Variants in INPP5F observed in about 807,000 individuals in gnomAD.
INPP5F encodes the protein phosphatidylinositide 4-phosphatase SAC2.
A neutral mutation model predicts 137.2 loss-of-function variants in INPP5F; 97 were observed. The observed-to-expected ratio is 0.71, with a 90% CI of 0.60 to 0.84. The LOEUF (loss-of-function observed/expected upper bound fraction) is 0.84, where lower values mean the gene tolerates loss of function less well. Ranked by LOEUF, INPP5F falls within the 40% of genes least tolerant of loss-of-function variation. INPP5F has a pLI of 0.00. For missense variants in INPP5F, 1,271 were observed against 1,371.9 expected, an observed-to-expected ratio of 0.93 and a Z score of 1.16; for synonymous variants, 504 against 476.9, an observed-to-expected ratio of 1.06 and a Z score of -0.74.
In INPP5F at chr10:119,787,018, A is replaced by G. The variant is rs1275678118; in HGVS notation, c.316-4499A>G. ...TTATTCCCTGTATTTTCTACCCTCTAAAGTGGTTCTGGAGCATTACCCCAC... is the reference window on the plus strand; with the variant it reads ...TTATTCCCTGTATTTTCTACCCTCTGAAGTGGTTCTGGAGCATTACCCCAC... On this transcript the variant is annotated intron_variant, in intron 3 of 19. Transcript: ENST00000650623. The surrounding 1 kb of genome is among the most constrained non-coding windows in gnomAD (Gnocchi z 4.1). Among the ~76,000 whole-genome samples, 1 of 152,156 alleles carries G rather than the reference A, an allele frequency of 6.6e-6. No individual in the cohort carries two copies. The highest frequency in any genetic ancestry group is 1.5e-5 in the Non-Finnish European group (1 of 68,032).
intron 19 of INPP5F, chr10:119,826,053 T>C: frequency 2.5e-6 from 1 of 398,440 alleles, no homozygotes; most frequent in East Asian, 3.6e-5. Flanking sequence ...ATGGAAGTCT[T>C]ACTCCTGTCT....
In INPP5F at chr10:119,805,436, A is replaced by G. The variant is rs1850738890; in HGVS notation, c.1294A>G (p.Ile432Val). Residue 432 changes from isoleucine to valine, a missense_variant, in exon 11 of 20, where the codon ATT (isoleucine) becomes GTT (valine). Ile to Val is a conservative substitution (Grantham distance 29). Coordinates refer to ENST00000650623, the MANE Select transcript of INPP5F (RefSeq NM_014937.4). The stretch of plus-strand genomic sequence containing the variant: ...GACACTAACAGATGCCATTTATGAC[A>G]TTATTCTTGATATGAAGTGGTGTTG... ...VQTLTDAIYD[I>V]ILDMKWCWVD... The G allele has an allele frequency of 6.2e-7, 1 of 1,611,890 alleles. No homozygotes were observed. The highest frequency in any genetic ancestry group is 1.1e-5 in the South Asian group (1 of 91,020).
intron 16 of INPP5F, among the ~76,000 whole-genome samples, chr10:119,821,828 T>C (rs1851576411): frequency 6.6e-6 from 1 of 151,818 alleles, no homozygotes; most frequent in East Asian, 1.9e-4. Context: ...TTATATGAGT[T>C]TTTATAAAAC....
intron 6 of INPP5F, among the ~76,000 whole-genome samples, chr10:119,794,605 G>A (rs577336186): frequency 2.7e-5 from 4 of 150,018 alleles, no homozygotes; most frequent in South Asian, 4.2e-4. Flanking sequence ...GCCGGGCAAA[G>A]GCGCCCCTCA....
chr10:119,795,352 CT>C (rs1850330877), intron 6 of INPP5F, among the ~76,000 whole-genome samples: 1 of 151,522 alleles, frequency 6.6e-6, no homozygotes, highest in African/African-American at 2.4e-5. Context: ...GGGCTCCTCA[CT>C]TCTCAGACGG....
chr10:119,749,923 C>T (rs1335390999), intron 1 of INPP5F, among the ~76,000 whole-genome samples: 1 of 152,094 alleles, frequency 6.6e-6, no homozygotes, highest in Non-Finnish European at 1.5e-5. Flanking sequence ...GGACTACAGG[C>T]GCGTGCCACC....
intron 2 of INPP5F, among the ~76,000 whole-genome samples, chr10:119,753,072 C>G (rs1848734100): frequency 6.6e-6 from 1 of 152,032 alleles, no homozygotes; most frequent in Non-Finnish European, 1.5e-5. Context: ...GTTGAGTAAC[C>G]ATGTAACCAA....
Position 119,827,586 on chromosome 10 carries a change from T to A in INPP5F, c.3205T>A (p.Ser1069Thr). ...PSESSSSRAV[S>T]PFAKIRSSMV... ...AGAGAGCAGTAGCAGCAGAGCAGTC[T>A]CTCCCTTTGCCAAGATTCGAAGTTC... Residue 1069 changes from serine (S) to threonine (T), a missense_variant, in exon 20 of 20, where the codon TCT (serine) becomes ACT (threonine). By Grantham distance (58) the Ser-to-Thr change is moderately conservative (BLOSUM62 1). Around this residue, in one of 6 missense-constraint regions of INPP5F, gnomAD observed 490 missense variants for 443.7 expected, o/e 1.10. Coordinates refer to ENST00000650623, the MANE Select transcript of INPP5F (RefSeq NM_014937.4). 6.2e-7 allele frequency: 1 copy of A among 1,614,128 alleles called. No individual in the cohort carries two copies. The highest frequency in any genetic ancestry group is 8.5e-7 in the Non-Finnish European group (1 of 1,179,998).
chr10:119,814,062 G>C (rs974859221), intron 15 of INPP5F, among the ~76,000 whole-genome samples: 32 of 152,028 alleles, frequency 2.1e-4, no homozygotes, highest in African/African-American at 7.7e-4. Flanking sequence ...CCGATAACAG[G>C]GAGCCAGTGA....
chr10:119,799,249 C>T, intron 9 of INPP5F: 2 of 391,484 alleles, frequency 5.1e-6, no homozygotes, highest in East Asian at 8.1e-5. Flanking sequence ...TAGCAGTGAC[C>T]AGTGTGAATG....
chr10:119,780,790 T>C (rs566593375), intron 2 of INPP5F, among the ~76,000 whole-genome samples: 4 of 152,310 alleles, frequency 2.6e-5, no homozygotes, highest in African/African-American at 9.6e-5. Context: ...CTGTTTACCA[T>C]AGCATTTAGA....
In INPP5F at chr10:119,773,681, A is replaced by G. The variant is rs116281801; in HGVS notation, c.179-7954A>G. On this transcript the variant is annotated intron_variant, in intron 2 of 19. Transcript: ENST00000650623. ...CTTTACCTAGTATCAAGTTTTAATT[A>G]CCATGCTTTTTTAAATCCCCCTCTT... 7.9e-3 allele frequency among the ~76,000 whole-genome samples: 1,200 copies of G among 152,166 alleles called. 10 individuals carry two copies. Among genetic ancestry groups the G allele is most frequent in the Middle Eastern group, 0.041 (12 of 294 alleles).
intron 9 of INPP5F, among the ~76,000 whole-genome samples, chr10:119,800,072 A>C (rs1008284589): frequency 1.3e-5 from 2 of 151,556 alleles, no homozygotes; most frequent in South Asian, 4.1e-4. Flanking sequence ...ATATTATTAA[A>C]ATTTTATTAA....
intron 1 of INPP5F, among the ~76,000 whole-genome samples, chr10:119,727,757 A>G (rs1449161230): frequency 6.6e-6 from 1 of 152,240 alleles, no homozygotes; most frequent in Non-Finnish European, 1.5e-5. Context: ...GGATAGAGTT[A>G]TTATGGATAG....
chr10:119,800,636 G>T lies in INPP5F; in HGVS notation c.1116+2026G>T, dbSNP rs932298032. Among the ~76,000 whole-genome samples, 5 of 151,790 alleles carry T rather than the reference G, an allele frequency of 3.3e-5. No homozygotes were observed. In the East Asian group the frequency reaches 9.6e-4, roughly 29 times the overall value. On this transcript the variant is annotated intron_variant, in intron 9 of 19. Transcript: ENST00000650623. ...ACCCAAAAGAGAGCTGGACAAAAGA[G>T]GATATCCAGAAAGTCAGTAGATGTA...
intron 15 of INPP5F, among the ~76,000 whole-genome samples, chr10:119,817,357 C>T (rs1414784010): frequency 6.6e-6 from 1 of 152,128 alleles, no homozygotes; most frequent in Non-Finnish European, 1.5e-5. Context: ...TGGAAATGGC[C>T]AGATTATCTG....
At chr10:119,790,283 G>A (rs574836395) in intron 3 of INPP5F, among the ~76,000 whole-genome samples, 33 of 152,132 alleles carry the variant, frequency 2.2e-4, no homozygotes, top group Non-Finnish European at 4.4e-4. Context: ...GTGTCACCTG[G>A]AATTCTTGCT....
At chr10:119,740,490 A>G (rs766762289) in intron 1 of INPP5F, among the ~76,000 whole-genome samples, 5 of 152,240 alleles carry the variant, frequency 3.3e-5, no homozygotes, top group Non-Finnish European at 7.3e-5. Flanking sequence ...TTATGGTCCT[A>G]CCATGAGGTT....
In INPP5F at chr10:119,771,870, ATATATATATATATTTTTTTTTTTTTTTTT is replaced by A. The variant is rs1203732604; in HGVS notation, c.179-9763_179-9735del. Among the ~76,000 whole-genome samples the A allele has an allele frequency of 1.8e-3, 30 of 16,468 alleles. No homozygotes were observed. In the South Asian group the frequency reaches 0.06, roughly 33 times the overall value. The allele number at this position is 16,468 out of a possible 152,430, so 10.8% of individuals were successfully genotyped here. ...GATATATATATATATATATATATAT[ATATATATATATATTTTTTTTTTTTTTTTT>A]TTTTTTTTTTTTTTGAGATGGAGTC... On this transcript the variant is annotated intron_variant, in intron 2 of 19. Coordinates refer to ENST00000650623, the MANE Select transcript of INPP5F (RefSeq NM_014937.4).
Sources: allele counts gnomAD v4.1 joint callset (sites outside exome capture counted in the v4.1 genomes callset), GRCh38; gene constraint gnomAD v4.1.1; regional missense constraint gnomAD v4.1.1; non-coding constraint Gnocchi (gnomAD v3.1); transcripts MANE v1.5; gene names NCBI Gene and HGNC (gene_info 2026-07-23, HGNC 2026-07-21).